MYCBP2: variants seen among roughly 807,000 people sequenced by gnomAD.
MYCBP2 encodes the protein MYC binding protein 2, also known as E3 ubiquitin-protein ligase MYCBP2.
MYCBP2 carries 120 observed loss-of-function variants against 525.3 expected under a neutral mutation model. That is an observed-to-expected ratio of 0.23 (90% CI 0.20 to 0.27). The LOEUF is 0.27. Ranked by LOEUF, MYCBP2 falls within the 10% of genes least tolerant of loss-of-function variation. The probability of loss-of-function intolerance (pLI) is 1.00; values close to 1 mark genes in which losing one functional copy is unlikely to be tolerated. For synonymous variants in MYCBP2, 1,894 were observed against 1,955.8 expected (o/e 0.97, Z 0.83); for missense variants, 4,149 against 5,657.1 (o/e 0.73, Z 8.55).
intron 55 of MYCBP2, chr13:77,118,289 G>T: frequency 1.4e-6 from 1 of 698,176 alleles, no homozygotes; most frequent in South Asian, 1.5e-5. Flanking sequence ...AAGCAACTCA[G>T]AACAAAGCTT....
intron 55 of MYCBP2, 29 bp from the exon 56 acceptor site, chr13:77,099,042 A>T: frequency 6.3e-7 from 1 of 1,584,864 alleles, no homozygotes; most frequent in Non-Finnish European, 8.5e-7. Flanking sequence ...AGTGAAACTT[A>T]TTAATAAAAT....
chr13:77,065,779 C>T (rs1479281274), intron 72 of MYCBP2, among the ~76,000 whole-genome samples: 1 of 152,126 alleles, frequency 6.6e-6, no homozygotes, highest in Non-Finnish European at 1.5e-5. Context: ...AATTCCCACA[C>T]AAATTAACTG....
At chr13:77,070,933 CT>C (rs2041111978) in intron 68 of MYCBP2, among the ~76,000 whole-genome samples, 1 of 152,008 alleles carries the variant, frequency 6.6e-6, no homozygotes, top group South Asian at 2.1e-4. Context: ...GTATATTCTC[CT>C]TTCACAAATT....
intron 17 of MYCBP2, among the ~76,000 whole-genome samples, chr13:77,242,826 C>T (rs2069115335): frequency 1.3e-5 from 2 of 152,180 alleles, no homozygotes; most frequent in South Asian, 2.1e-4. Flanking sequence ...CCATAAACAC[C>T]CTGCTGAATT....
chr13:77,104,334 T>C (rs2047535242), intron 55 of MYCBP2, among the ~76,000 whole-genome samples: 1 of 152,076 alleles, frequency 6.6e-6, no homozygotes, highest in Admixed American at 6.6e-5. Context: ...TATGAGTATA[T>C]ATTACGTGTT....
chr13:77,138,680 G>C (rs2054131091), intron 52 of MYCBP2, among the ~76,000 whole-genome samples: 1 of 152,016 alleles, frequency 6.6e-6, no homozygotes, highest in East Asian at 1.9e-4. Flanking sequence ...CAAAGACTAG[G>C]ATTTAACTTC....
At chr13:77,272,009 G>A (rs2074966689) in intron 5 of MYCBP2, among the ~76,000 whole-genome samples, 1 of 152,168 alleles carries the variant, frequency 6.6e-6, no homozygotes, top group Admixed American at 6.5e-5. Flanking sequence ...TGATGTGGCA[G>A]GTCTGTAGAG....
chr13:77,063,600 T>C (rs374377264), intron 73 of MYCBP2, among the ~76,000 whole-genome samples: 2 of 128,574 alleles, frequency 1.6e-5, no homozygotes, highest in East Asian at 2.1e-4. Flanking sequence ...TTTTCAGAAA[T>C]AGTTAAAAAT....
In MYCBP2 at chr13:77,166,098, C is replaced by G. The variant is rs537427253; in HGVS notation, c.6340+231G>C. Reference sequence around the variant, plus strand: ...ACGTTAACACTCTGCTTTGCTCAAGCTAATCTTTTTTTCACAAAATCCTTA... The same window carrying G: ...ACGTTAACACTCTGCTTTGCTCAAGGTAATCTTTTTTTCACAAAATCCTTA... On this transcript the variant is annotated intron_variant, in intron 41 of 82. Transcript: ENST00000544440. 1.3e-3 allele frequency among the ~76,000 whole-genome samples: 196 copies of G among 152,292 alleles called. 2 individuals carry two copies. Among genetic ancestry groups the G allele is most frequent in the Admixed American group, 2.6e-3 (39 of 15,290 alleles).
At chr13:77,265,997 T>A (rs2074012722) in intron 8 of MYCBP2, among the ~76,000 whole-genome samples, 1 of 152,206 alleles carries the variant, frequency 6.6e-6, no homozygotes, top group South Asian at 2.1e-4. Flanking sequence ...GCCACACTTG[T>A]ATTGTTCAAA....
At chr13:77,253,336 A>T (rs1270604863) in intron 14 of MYCBP2, among the ~76,000 whole-genome samples, 1 of 151,984 alleles carries the variant, frequency 6.6e-6, no homozygotes, top group Non-Finnish European at 1.5e-5. Flanking sequence ...TCACAGCAAC[A>T]TTATTCATAA....
rs756673023 is a variant in MYCBP2, at chr13:77,066,377, G to A, written c.12456-289C>T. Among the ~76,000 whole-genome samples the A allele has an allele frequency of 2.0e-5, 3 of 152,280 alleles. No homozygotes were observed. In the South Asian group the frequency reaches 6.2e-4, roughly 32 times the overall value. On this transcript the variant is annotated intron_variant, in intron 71 of 82. Transcript: ENST00000544440. The stretch of plus-strand genomic sequence containing the variant: ...CACGACTTATTTCTAGGGCACATGC[G>A]GATAATGTGGAGCTTAACCGGAATA...
At position 77,088,840 on chromosome 13, in the gene MYCBP2, CA is replaced by C; in HGVS notation, c.10716del (p.Phe3572LeufsTer30). 6.2e-7 allele frequency: 1 copy of C among 1,611,760 alleles called. No homozygotes were observed. On this transcript the variant is annotated frameshift_variant, in exon 61 of 83. Transcript: ENST00000544440. LOFTEE classifies it high-confidence loss of function. ...QALRKSACRV[F>X]AMEAFNWLLC... ...CATTAATGTCTTCATACCTCCATAG[CA>C]AAAACTCGACAAGCAGATTTCCTTA...
Position 77,313,012 on chromosome 13 carries a change from G to C in MYCBP2, c.302+13462C>G, listed in dbSNP as rs543690560. ...CAATCACCAAGACAGAACATATCCT[G>C]GGCAATAAAACAAATCTCAATAAAT... On this transcript the variant is annotated intron_variant, in intron 1 of 82. Coordinates refer to ENST00000544440, the MANE Select transcript of MYCBP2 (RefSeq NM_015057.5). Among the ~76,000 whole-genome samples, 7 of 151,604 alleles carry C rather than the reference G, an allele frequency of 4.6e-5. No individual in the cohort carries two copies. The South Asian group carries it at 1.5e-3, about 32-fold the overall frequency.
At chr13:77,144,354 G>C in intron 49 of MYCBP2, 91 bp downstream of exon 49, 1 of 847,668 alleles carries the variant, frequency 1.2e-6, no homozygotes, top group Non-Finnish European at 2.0e-6. Flanking sequence ...CATATGTCTA[G>C]TGCAAGTTAA....
chr13:77,184,158 A>G (rs536925753), intron 32 of MYCBP2, among the ~76,000 whole-genome samples: 1 of 152,320 alleles, frequency 6.6e-6, no homozygotes, highest in East Asian at 1.9e-4. Context: ...GCAATGCTTT[A>G]GCTAAATCCC....
At chr13:77,216,846 C>T (rs1229049912) in intron 21 of MYCBP2, among the ~76,000 whole-genome samples, 1 of 151,782 alleles carries the variant, frequency 6.6e-6, no homozygotes, top group African/African-American at 2.4e-5. Context: ...GGTCAATTCA[C>T]AAAATACAAA....
At chr13:77,177,669 C>G in intron 35 of MYCBP2, 79 bp downstream of exon 35, 1 of 1,191,438 alleles carries the variant, frequency 8.4e-7, no homozygotes, top group Non-Finnish European at 1.2e-6. Context: ...TCTAGTAAAC[C>G]CCTGAACATA....
chr13:77,233,861 AGAGAGAGAGAGAGAAC>A (rs1491185766), intron 17 of MYCBP2, among the ~76,000 whole-genome samples: 1 of 144,698 alleles, frequency 6.9e-6, no homozygotes, highest in Admixed American at 6.8e-5. Flanking sequence ...GTATACACAC[AGAGAGAGAGAGAGAAC>A]GAGAGAGAGA....
Sources: allele counts gnomAD v4.1 joint callset (sites outside exome capture counted in the v4.1 genomes callset), GRCh38; gene constraint gnomAD v4.1.1; transcripts MANE v1.5; gene names NCBI Gene and HGNC (gene_info 2026-07-23, HGNC 2026-07-21).